P2RX7: variants seen among roughly 807,000 people sequenced by gnomAD.
P2RX7 encodes the protein purinergic receptor P2X 7.
Under a neutral mutation model 71.6 loss-of-function variants are expected in P2RX7, and 62 were observed. The observed-to-expected ratio is 0.87, with a 90% CI of 0.71 to 1.07. The LOEUF is 1.07. Among genes scored for constraint, P2RX7 ranks in the 50% least tolerant of loss-of-function variants. P2RX7 has a pLI of 0.00. For synonymous variants in P2RX7, 299 were observed against 283.3 expected (o/e 1.06, Z -0.56); for missense variants, 686 against 748.5 (o/e 0.92, Z 0.97).
Position 121,158,706 on chromosome 12 carries a change from T to C in P2RX7, c.364-2196T>C, listed in dbSNP as rs58255492. On this transcript the variant is annotated intron_variant, in intron 3 of 12. Coordinates refer to ENST00000328963, the MANE Select transcript of P2RX7 (RefSeq NM_002562.6). ...CATGCAACAATCACAAAAGAGAAGA[T>C]TAAAACAAAACTAATGTGCTGTTTT... 2.6e-4 allele frequency among the ~76,000 whole-genome samples: 39 copies of C among 152,296 alleles called. No individual in the cohort carries two copies. In the East Asian group the frequency reaches 7.3e-3, roughly 29 times the overall value.
chr12:121,176,858 C>A (rs193203538), intron 9 of P2RX7, among the ~76,000 whole-genome samples: 1 of 152,192 alleles, frequency 6.6e-6, no homozygotes, highest in African/African-American at 2.4e-5. Context: ...GAAACCCTCA[C>A]CTTGTATGGA....
chr12:121,177,699 T>G (rs1593143763), intron 11 of P2RX7, among the ~76,000 whole-genome samples: 1 of 140,792 alleles, frequency 7.1e-6, no homozygotes, highest in African/African-American at 3.0e-5. Flanking sequence ...TTTATTTATT[T>G]ATTTATTTAT....
rs1876993601 is a variant in P2RX7, at chr12:121,149,678, A to G, written c.126-5107A>G. 6.6e-6 allele frequency among the ~76,000 whole-genome samples: 1 copy of G among 152,122 alleles called. No individual in the cohort carries two copies. The highest frequency in any genetic ancestry group is 2.4e-5 in the African/African-American group (1 of 41,424). On this transcript the variant is annotated intron_variant, in intron 1 of 12. Coordinates refer to ENST00000328963, the MANE Select transcript of P2RX7 (RefSeq NM_002562.6). The surrounding 1 kb of genome is among the most constrained non-coding windows in gnomAD (Gnocchi z 4.7). ...ATTTGGATGGGGACACAGCCAAACC[A>G]TATCAGTGGCCCTGGCTTCTCTCCC...
At chr12:121,166,421 A>G (rs1412347344) in intron 7 of P2RX7, among the ~76,000 whole-genome samples, 4 of 152,208 alleles carry the variant, frequency 2.6e-5, no homozygotes, top group Non-Finnish European at 4.4e-5. Context: ...TGCTGTAGCA[A>G]GTTATCAAAG....
chr12:121,160,402 C>G (rs998828862), intron 3 of P2RX7, among the ~76,000 whole-genome samples: 1 of 152,180 alleles, frequency 6.6e-6, no homozygotes, highest in South Asian at 2.1e-4. Context: ...CCGCCTTGGC[C>G]TCCCAAAGTG....
At chr12:121,155,427 G>C in intron 2 of P2RX7, 1 of 1,267,830 alleles carries the variant, frequency 7.9e-7, no homozygotes, top group South Asian at 1.2e-5. Context: ...GAAAGGCATC[G>C]GTCACTGAGA....
At position 121,184,297 on chromosome 12, in the gene P2RX7, T is replaced by C; in HGVS notation, c.1291-8T>C. The C allele has an allele frequency of 6.3e-7, 1 of 1,578,890 alleles. No homozygotes were observed. Among genetic ancestry groups the C allele is most frequent in the South Asian group, 1.2e-5 (1 of 86,584 alleles). ...ATGGCTAATAGGTTTGGAAACTTGC[T>C]TTTTCAGAGACCTGCGATGGACTTC... On this transcript the variant is annotated splice_polypyrimidine_tract_variant and splice_region_variant and intron_variant, in intron 12 of 12. Coordinates refer to ENST00000328963, the MANE Select transcript of P2RX7 (RefSeq NM_002562.6).
intron 3 of P2RX7, among the ~76,000 whole-genome samples, chr12:121,158,022 T>C (rs1878941916): frequency 6.6e-6 from 1 of 152,138 alleles, no homozygotes; most frequent in Non-Finnish European, 1.5e-5. Context: ...AGAGCACATG[T>C]GACTCTTTGG....
Position 121,154,807 on chromosome 12 carries a change from C to T in P2RX7, c.148C>T (p.Leu50=), listed in dbSNP as rs1878219417. 6.2e-7 allele frequency: 1 copy of T among 1,613,744 alleles called. No homozygotes were observed. The highest frequency in any genetic ancestry group is 8.5e-7 in the Non-Finnish European group (1 of 1,179,596). ...TAGCTTTGCTCTGGTGAGTGACAAG[C>T]TGTACCAGCGGAAAGAGCCTGTCAT... is the stretch of plus-strand genomic sequence containing the variant. The part of the protein sequence containing the change: ...YVCFALVSDK[L]YQRKEPVISS... The change falls in exon 2 of 13, where the codon CTG becomes TTG. Residue 50 remains leucine (L), a synonymous_variant. Transcript: ENST00000328963. This position sits in a 1 kb window ranked among gnomAD's most constrained non-coding sequence, Gnocchi z 4.2.
chr12:121,171,055 C>T lies in P2RX7; in HGVS notation c.881+3431C>T, dbSNP rs12426865. Among the ~76,000 whole-genome samples, 358 of 152,254 alleles carry T rather than the reference C, an allele frequency of 2.4e-3. 6 individuals carry two copies. Among genetic ancestry groups the T allele is most frequent in the Admixed American group, 0.02 (311 of 15,278 alleles). On this transcript the variant is annotated intron_variant, in intron 8 of 12. Coordinates refer to ENST00000328963, the MANE Select transcript of P2RX7 (RefSeq NM_002562.6). ...ATCAGGCCACCCAGAATGCACGACG[C>T]GCTTCTCAGGCCCAGCAGGAGTATG...
Position 121,184,946 on chromosome 12 carries a change from A to G in P2RX7, c.*144A>G. 1.6e-6 allele frequency: 1 copy of G among 638,616 alleles called. No individual in the cohort carries two copies. Among genetic ancestry groups the G allele is most frequent in the Admixed American group, 3.0e-5 (1 of 33,590 alleles). The allele number at this position is 638,616 out of a possible 1,614,324, so 39.6% of individuals were successfully genotyped here. A position where few individuals can be genotyped will look rare whatever the true frequency, so the allele number is the denominator to read the frequency against. On this transcript the variant is annotated 3_prime_UTR_variant, in exon 13 of 13. Coordinates refer to ENST00000328963, the MANE Select transcript of P2RX7 (RefSeq NM_002562.6). ...CTAAAAATACAAAAATCAGCCAGAC[A>G]TGGTGGCATGCACCTGCAATCCCAG...
rs185827016 is a variant in P2RX7 at position 121,149,793 on chromosome 12, C to T, written c.126-4992C>T. On this transcript the variant is annotated intron_variant, in intron 1 of 12. Transcript: ENST00000328963. The surrounding 1 kb of genome is among the most constrained non-coding windows in gnomAD (Gnocchi z 4.7). Reference sequence around the variant, plus strand: ...CTGTGTTGCCCAGGCTTGTCTTGAACTCCTGGGCTCAAGGGATCCTCCTAC... The same window carrying T: ...CTGTGTTGCCCAGGCTTGTCTTGAATTCCTGGGCTCAAGGGATCCTCCTAC... 5.7e-4 allele frequency among the ~76,000 whole-genome samples: 86 copies of T among 152,148 alleles called. No individual in the cohort carries two copies. In the Middle Eastern group the frequency reaches 0.01, roughly 18 times the overall value.
At position 121,156,093 on chromosome 12, in the gene P2RX7, C is replaced by G. The variant is rs778230250; in HGVS notation, c.309C>G (p.Phe103Leu). 6.2e-7 allele frequency: 1 copy of G among 1,614,050 alleles called. No individual in the cohort carries two copies. The stretch of plus-strand genomic sequence containing the variant: ...CTTCTCCACAGGGGAACTCTTTCTT[C>G]GTGATGACAAACTTTCTCAAAACAG... ...YTFPLQGNSFFVMTNFLKTEG... is the reference protein window; with the variant it reads ...YTFPLQGNSFLVMTNFLKTEG... The change falls in exon 3 of 13, where the codon TTC becomes TTG. Residue 103 changes from phenylalanine (F) to leucine (L), a missense_variant. By Grantham distance (22) the Phe-to-Leu change is conservative. Coordinates refer to ENST00000328963, the MANE Select transcript of P2RX7 (RefSeq NM_002562.6).
chr12:121,184,560 C>G lies in P2RX7; in HGVS notation c.1546C>G (p.Leu516Val), dbSNP rs1179780728. 6.2e-7 allele frequency: 1 copy of G among 1,614,228 alleles called. No individual in the cohort carries two copies. Residue 516 changes from leucine (L) to valine (V), a missense_variant, in exon 13 of 13, where the codon CTG becomes GTG. By Grantham distance (32) the Leu-to-Val change is conservative. Coordinates refer to ENST00000328963, the MANE Select transcript of P2RX7 (RefSeq NM_002562.6). ...CACCACCTCAGAGCTGTTCAGGAAG[C>G]TGGTCCTGTCCAGACACGTCCTGCA... The part of the protein sequence containing the change: ...CITTSELFRK[L>V]VLSRHVLQFL...
At chr12:121,164,303 T>C (rs1306448844) in intron 5 of P2RX7, among the ~76,000 whole-genome samples, 1 of 152,222 alleles carries the variant, frequency 6.6e-6, no homozygotes, top group Non-Finnish European at 1.5e-5. Flanking sequence ...CACCACGTAG[T>C]AGGTGTTAGA....
rs540159550 is a variant in P2RX7, at chr12:121,149,169, C to T, written c.126-5616C>T. The T allele has an allele frequency of 6.3e-5, 27 of 426,010 alleles. No individual in the cohort carries two copies. The highest frequency in any genetic ancestry group is 2.1e-4 in the East Asian group (3 of 14,226). 26.4% of individuals were successfully genotyped at this position (426,010 alleles called of 1,614,324 possible). On this transcript the variant is annotated intron_variant, in intron 1 of 12. Coordinates refer to ENST00000328963, the MANE Select transcript of P2RX7 (RefSeq NM_002562.6). This position sits in a 1 kb window ranked among gnomAD's most constrained non-coding sequence, Gnocchi z 4.7. ...GCATGTGGATTGAGACTCTGAAGAA[C>T]GACTTTATGGTGGGCACCTTCATCT...
intron 3 of P2RX7, among the ~76,000 whole-genome samples, chr12:121,157,483 T>A (rs1042826055): frequency 2.6e-5 from 4 of 152,228 alleles, no homozygotes; most frequent in Non-Finnish European, 5.9e-5. Flanking sequence ...GCTGCTCAGA[T>A]GAAATCTCTG....
At chr12:121,166,027 T>A in intron 6 of P2RX7, 31 bp from the exon 7 acceptor site, 1 of 1,523,770 alleles carries the variant, frequency 6.6e-7, no homozygotes, top group Non-Finnish European at 8.8e-7. Context: ...TCGAGATGTT[T>A]GTTTGTTTGT....
At chr12:121,150,056 G>A (rs1196857197) in intron 1 of P2RX7, among the ~76,000 whole-genome samples, 1 of 152,128 alleles carries the variant, frequency 6.6e-6, no homozygotes, top group Non-Finnish European at 1.5e-5. Flanking sequence ...CCACCTGGAG[G>A]GGTGACATGG....
Sources: gnomAD v4.1 joint callset for allele counts (sites outside exome capture counted in the v4.1 genomes callset) on GRCh38, gnomAD v4.1.1 for gene constraint, Gnocchi (gnomAD v3.1) non-coding constraint, MANE v1.5 for transcripts, NCBI Gene and HGNC (gene_info 2026-07-23, HGNC 2026-07-21) for gene names.